The following CNTN5 variants were observed in gnomAD, a reference collection of about 807,000 sequenced individuals.
CNTN5 encodes the protein contactin 5.
Under a neutral mutation model 129.1 loss-of-function variants are expected in CNTN5, and 77 were observed. The observed-to-expected ratio is 0.60, with a 90% confidence interval of 0.50 to 0.72. The LOEUF (loss-of-function observed/expected upper bound fraction) is 0.72. Ranked by LOEUF, CNTN5 falls within the 30% of genes least tolerant of loss-of-function variation. The pLI is 0.00. For synonymous variants in CNTN5, 509 were observed against 465.6 expected, an observed-to-expected ratio of 1.09 and a Z score of -1.20; for missense variants, 1,478 against 1,328.8, an observed-to-expected ratio of 1.11 and a Z score of -1.75.
chr11:99,401,858 AC>A (rs1941828204), intron 2 of CNTN5, among the ~76,000 whole-genome samples: 1 of 64,816 alleles, frequency 1.5e-5, no homozygotes, highest in South Asian at 5.8e-4. Context: ...AAATGGCACT[AC>A]TTTTTTTTCA....
At chr11:99,159,770 A>G (rs1361027554) in intron 1 of CNTN5, among the ~76,000 whole-genome samples, 1 of 152,216 alleles carries the variant, frequency 6.6e-6, no homozygotes, top group Admixed American at 6.5e-5. Flanking sequence ...CTACTGGTAA[A>G]TTATCACATT....
chr11:100,196,544 C>T (rs752794593), intron 15 of CNTN5, among the ~76,000 whole-genome samples: 2 of 151,924 alleles, frequency 1.3e-5, no homozygotes, highest in Non-Finnish European at 2.9e-5. Context: ...TAGATGATTG[C>T]TTTGAACTCC....
At position 99,185,194 on chromosome 11, in the gene CNTN5, A is replaced by C. The variant is rs1013169750; in HGVS notation, c.-209-140152A>C. 4.0e-5 allele frequency among the ~76,000 whole-genome samples: 6 copies of C among 151,822 alleles called. No individual in the cohort carries two copies. In the South Asian group the frequency reaches 1.2e-3, roughly 31 times the overall value. On this transcript the variant is annotated intron_variant, in intron 1 of 24. Transcript: ENST00000524871. ...ACTTTCTTTTTCAGGTAATATTTGG[A>C]AGGATATTGTGTAGAGAGGGTGAGC...
intron 1 of CNTN5, among the ~76,000 whole-genome samples, chr11:99,268,866 C>A (rs1863031237): frequency 6.6e-6 from 1 of 151,782 alleles, no homozygotes; most frequent in Non-Finnish European, 1.5e-5. Context: ...ACATTTAACC[C>A]AGGTAGAATT....
At chr11:99,943,309 T>C (rs566435561) in intron 7 of CNTN5, among the ~76,000 whole-genome samples, 297 of 152,296 alleles carry the variant, frequency 2.0e-3, no homozygotes, top group African/African-American at 6.4e-3. Context: ...TTTTTTCATA[T>C]GTTTGTTGGC....
chr11:100,261,987 A>G (rs1950208756), intron 17 of CNTN5, among the ~76,000 whole-genome samples: 1 of 152,238 alleles, frequency 6.6e-6, no homozygotes, highest in South Asian at 2.1e-4. Context: ...ACAGTGAAAG[A>G]AACTATCATC....
chr11:99,233,669 C>T (rs557349654), intron 1 of CNTN5, among the ~76,000 whole-genome samples: 26 of 152,126 alleles, frequency 1.7e-4, no homozygotes, highest in African/African-American at 3.1e-4. Context: ...TGTTTTAGGC[C>T]GGATGCGGTG....
At chr11:99,674,941 GA>G (rs2135956712) in intron 3 of CNTN5, among the ~76,000 whole-genome samples, 1 of 151,892 alleles carries the variant, frequency 6.6e-6, no homozygotes, top group African/African-American at 2.4e-5. Context: ...GCTTGCCATG[GA>G]TGTGCATACT....
chr11:99,084,552 TGTTGA>T (rs1865923484), intron 1 of CNTN5, among the ~76,000 whole-genome samples: 2 of 152,332 alleles, frequency 1.3e-5, no homozygotes, highest in African/African-American at 2.4e-5. Context: ...GTTTTCAGAC[TGTTGA>T]GTTGTTTTTT....
At chr11:99,352,241 T>A (rs966090366) in intron 2 of CNTN5, among the ~76,000 whole-genome samples, 4 of 147,408 alleles carry the variant, frequency 2.7e-5, no homozygotes, top group African/African-American at 9.7e-5. Context: ...TGGAGTGACC[T>A]CACAGCATTA....
intron 2 of CNTN5, among the ~76,000 whole-genome samples, chr11:99,439,305 CGT>C (rs1943722563): frequency 6.7e-6 from 1 of 149,090 alleles, no homozygotes; most frequent in Non-Finnish European, 1.5e-5. Flanking sequence ...TGTGTGTGTG[CGT>C]GTGTGTGTAT....
At chr11:99,885,869 A>T (rs2135880297) in intron 6 of CNTN5, among the ~76,000 whole-genome samples, 1 of 152,288 alleles carries the variant, frequency 6.6e-6, no homozygotes. Context: ...CTCCAAAAGT[A>T]AAATTTTCCA....
At chr11:99,750,273 A>G (rs555734919) in intron 3 of CNTN5, among the ~76,000 whole-genome samples, 16 of 152,280 alleles carry the variant, frequency 1.1e-4, no homozygotes, top group African/African-American at 3.6e-4. Context: ...AGCTTTTAAC[A>G]TAAGATTTAA....
At chr11:99,928,909 T>C (rs751206336) in intron 7 of CNTN5, among the ~76,000 whole-genome samples, 2 of 152,190 alleles carry the variant, frequency 1.3e-5, no homozygotes, top group Admixed American at 1.3e-4. Context: ...CTTTTAAATG[T>C]AAGTTCCAAC....
chr11:99,739,423 C>T (rs925240105), intron 3 of CNTN5, among the ~76,000 whole-genome samples: 9 of 151,692 alleles, frequency 5.9e-5, no homozygotes, highest in Non-Finnish European at 8.8e-5. Context: ...TGTATTTTTT[C>T]GGAATCTTTT....
chr11:99,142,212 C>T (rs946561786), intron 1 of CNTN5, among the ~76,000 whole-genome samples: 4 of 152,106 alleles, frequency 2.6e-5, no homozygotes, highest in Non-Finnish European at 5.9e-5. Flanking sequence ...TTCTCAGTCC[C>T]CTGGCAACAA....
At chr11:99,784,134 G>A (rs920662662) in intron 3 of CNTN5, among the ~76,000 whole-genome samples, 1 of 151,978 alleles carries the variant, frequency 6.6e-6, no homozygotes, top group East Asian at 1.9e-4. Flanking sequence ...AGTCAACCCA[G>A]GTTCAGAACT....
chr11:99,304,183 G>A (rs190468501), intron 1 of CNTN5, among the ~76,000 whole-genome samples: 5 of 152,170 alleles, frequency 3.3e-5, no homozygotes, highest in Admixed American at 2.6e-4. Context: ...GTGCCCTAAC[G>A]TTCTTCACAC....
At chr11:100,286,470 T>C (rs1411642307) in intron 18 of CNTN5, among the ~76,000 whole-genome samples, 3 of 151,072 alleles carry the variant, frequency 2.0e-5, no homozygotes, top group Admixed American at 1.3e-4. Context: ...GCAGCCTAAC[T>C]GGGAGGCACC....
Sources: gnomAD v4.1 joint callset for allele counts (sites outside exome capture counted in the v4.1 genomes callset) on GRCh38, gnomAD v4.1.1 for gene constraint, MANE v1.5 for transcripts, NCBI Gene and HGNC (gene_info 2026-07-23, HGNC 2026-07-21) for gene names.